Variants in ATF7IP observed in about 807,000 individuals in gnomAD.
The protein encoded by ATF7IP is activating transcription factor 7-interacting protein 1.
In ATF7IP, 23 loss-of-function variants were observed where a neutral mutation model predicts 106.4. The ratio of observed to expected loss-of-function variants is 0.22; its 90% CI spans 0.16 to 0.31. The LOEUF is 0.31. ATF7IP is among the 10% of genes least tolerant of loss of function. ATF7IP has a pLI of 1.00. For missense variants in ATF7IP, 1,334 were observed against 1,524.3 expected (o/e 0.88, Z 2.08); for synonymous variants, 542 against 539.0 (o/e 1.01, Z -0.08).
chr12:14,475,746 C>G, intron 10 of ATF7IP, 144 bp from the exon 11 acceptor site: 1 of 573,738 alleles, frequency 1.7e-6, no homozygotes. Context: ...CTGACAAACT[C>G]TCTTTATTCA....
chr12:14,494,467 TA>T (rs1231025320), intron 13 of ATF7IP, among the ~76,000 whole-genome samples: 1 of 145,478 alleles, frequency 6.9e-6, no homozygotes, highest in Non-Finnish European at 1.5e-5. Flanking sequence ...GGTATATACA[TA>T]AAATATATAC....
chr12:14,412,374 T>C (rs1293355254), intron 1 of ATF7IP, among the ~76,000 whole-genome samples: 1 of 152,152 alleles, frequency 6.6e-6, no homozygotes, highest in Non-Finnish European at 1.5e-5. Context: ...ATTTGAAGAG[T>C]GTTGACATCT....
Position 14,500,528 on chromosome 12 carries a change from G to C in ATF7IP, c.*2455G>C, listed in dbSNP as rs1241365921. 1.3e-5 allele frequency: 2 copies of C among 152,168 alleles called. No homozygotes were observed. The allele number at this position is 152,168 out of a possible 1,614,324, so 9.4% of individuals were successfully genotyped here. A position where few individuals can be genotyped will look rare whatever the true frequency, so the allele number is the denominator to read the frequency against. ...ATCTTCTAGATGTATATGAACACCT[G>C]TCTATATCTGCATGTATATGTTTTG... On this transcript the variant is annotated 3_prime_UTR_variant, in exon 15 of 15. Coordinates refer to ENST00000261168, the MANE Select transcript of ATF7IP (RefSeq NM_018179.5).
At chr12:14,431,322 C>A (rs946513426) in intron 2 of ATF7IP, among the ~76,000 whole-genome samples, 9 of 151,712 alleles carry the variant, frequency 5.9e-5, no homozygotes, top group Admixed American at 4.6e-4. Context: ...AAGGCTATAG[C>A]CTTATCCTCA....
intron 9 of ATF7IP, among the ~76,000 whole-genome samples, chr12:14,464,173 A>G (rs1359291861): frequency 3.9e-5 from 6 of 152,146 alleles, no homozygotes. Context: ...TTAGCTTGGC[A>G]TGGTGATACA....
At chr12:14,402,671 C>T (rs1447872209) in intron 1 of ATF7IP, among the ~76,000 whole-genome samples, 8 of 148,566 alleles carry the variant, frequency 5.4e-5, no homozygotes, top group Middle Eastern at 3.6e-3. Context: ...TGAAGTGGTG[C>T]GGTGTTGGCT....
intron 6 of ATF7IP, among the ~76,000 whole-genome samples, chr12:14,452,744 C>T (rs890472408): frequency 1.4e-4 from 22 of 152,042 alleles, no homozygotes; most frequent in African/African-American, 4.8e-4. Flanking sequence ...GTGGTTTATG[C>T]ACCAATATAA....
chr12:14,493,863 A>G (rs1944909851), intron 13 of ATF7IP, among the ~76,000 whole-genome samples: 1 of 152,098 alleles, frequency 6.6e-6, no homozygotes, highest in African/African-American at 2.4e-5. Context: ...TTTGAGCCTC[A>G]GTATCTTCTT....
chr12:14,370,684 CTG>C (rs1432878230), intron 1 of ATF7IP, among the ~76,000 whole-genome samples: 3 of 151,948 alleles, frequency 2.0e-5, no homozygotes, highest in African/African-American at 4.8e-5. Context: ...TTTGTGGTAT[CTG>C]TGACTTTTCA....
At chr12:14,365,903 C>A (rs1268034052) in intron 1 of ATF7IP, 76 bp downstream of exon 1, 1 of 152,382 alleles carries the variant, frequency 6.6e-6, no homozygotes, top group African/African-American at 2.4e-5. Context: ...GTCAAGACCG[C>A]ATTATGGCGG....
intron 6 of ATF7IP, among the ~76,000 whole-genome samples, chr12:14,454,684 T>C (rs1943357018): frequency 6.6e-6 from 1 of 152,178 alleles, no homozygotes; most frequent in Non-Finnish European, 1.5e-5. Flanking sequence ...GGCAATATGA[T>C]GCTTATCTTG....
At chr12:14,446,208 C>T (rs548384310) in intron 5 of ATF7IP, among the ~76,000 whole-genome samples, 124 of 151,662 alleles carry the variant, frequency 8.2e-4, no homozygotes, top group African/African-American at 2.5e-3. Flanking sequence ...AGTGCAGTGG[C>T]GCGATCTTGG....
intron 6 of ATF7IP, among the ~76,000 whole-genome samples, chr12:14,451,205 G>A (rs1454071198): frequency 2.0e-5 from 3 of 151,858 alleles, no homozygotes; most frequent in African/African-American, 4.8e-5. Flanking sequence ...GTAGTCTCTT[G>A]TAATCCTTCC....
At chr12:14,470,187 G>A (rs550628020) in intron 10 of ATF7IP, among the ~76,000 whole-genome samples, 3 of 152,268 alleles carry the variant, frequency 2.0e-5, no homozygotes, top group South Asian at 2.1e-4. Flanking sequence ...GCTCTTCTGC[G>A]TGAACTCTTT....
At chr12:14,496,379 C>T (rs763647769) in intron 14 of ATF7IP, 36 bp downstream of exon 14, 2 of 1,345,710 alleles carry the variant, frequency 1.5e-6, no homozygotes, top group South Asian at 1.2e-5. Context: ...AAATTCTCAA[C>T]TGTAGAGGTA....
chr12:14,428,167 T>G (rs184905810), intron 2 of ATF7IP, among the ~76,000 whole-genome samples: 2 of 152,194 alleles, frequency 1.3e-5, no homozygotes, highest in Admixed American at 1.3e-4. Context: ...ATAAGAAAGT[T>G]AAAAAAGCAA....
chr12:14,410,000 G>A (rs562922453), intron 1 of ATF7IP, among the ~76,000 whole-genome samples: 11 of 151,990 alleles, frequency 7.2e-5, no homozygotes, highest in South Asian at 4.2e-4. Flanking sequence ...ATTCACAGTC[G>A]CATAATCACC....
Position 14,423,975 on chromosome 12 carries a change from G to A in ATF7IP, c.60G>A (p.Val20=), listed in dbSNP as rs767242468. ...KVFKARKTMR[V]SDRQQLEAVY... ...TTAAGGCTCGAAAAACGATGAGAGT[G>A]AGTGATCGTCAGCAACTTGAAGCAG... Residue 20 remains valine, a synonymous_variant, in exon 2 of 15, where the codon GTG becomes GTA. Coordinates refer to ENST00000261168, the MANE Select transcript of ATF7IP (RefSeq NM_018179.5). 6.2e-7 allele frequency: 1 copy of A among 1,614,028 alleles called. No homozygotes were observed. The highest frequency in any genetic ancestry group is 1.1e-5 in the South Asian group (1 of 91,046).
chr12:14,459,865 C>G (rs1236958951), intron 8 of ATF7IP, among the ~76,000 whole-genome samples: 1 of 152,188 alleles, frequency 6.6e-6, no homozygotes, highest in Admixed American at 6.5e-5. Flanking sequence ...TATGCTACCT[C>G]ATTTCTTCTT....
Sources: gnomAD v4.1 joint callset for allele counts (sites outside exome capture counted in the v4.1 genomes callset) on GRCh38, gnomAD v4.1.1 for gene constraint, MANE v1.5 for transcripts, NCBI Gene and HGNC (gene_info 2026-07-23, HGNC 2026-07-21) for gene names.